Variants in C12orf42 observed in about 807,000 individuals in gnomAD.
The protein encoded by C12orf42 is chromosome 12 open reading frame 42.
In C12orf42, 25 loss-of-function variants were observed where a neutral mutation model predicts 21.6. The ratio of observed to expected loss-of-function variants is 1.16; its 90% CI spans 0.84 to 1.62. C12orf42 has a LOEUF of 1.62. C12orf42 is among the 40% of genes most tolerant of loss of function. The pLI is 0.00. For missense variants in C12orf42, 483 were observed against 459.3 expected (o/e 1.05, Z -0.47); for synonymous variants, 174 against 175.0 (o/e 0.99, Z 0.05).
chr12:103,204,109 G>C, the C12orf42 span, among the ~76,000 whole-genome samples: 1 of 152,052 alleles, frequency 6.6e-6, no homozygotes, highest in Non-Finnish European at 1.5e-5. Flanking sequence ...CTACATTCTT[G>C]GCCCTGGGAG....
chr12:103,136,173 T>C, the C12orf42 span, among the ~76,000 whole-genome samples: 1 of 152,132 alleles, frequency 6.6e-6, no homozygotes, highest in East Asian at 1.9e-4. Flanking sequence ...AAAAACCTCT[T>C]AGGTCTGATA....
chr12:103,247,798 T>C (rs1304534237), intron 10 of C12orf42, among the ~76,000 whole-genome samples: 1 of 151,980 alleles, frequency 6.6e-6, no homozygotes, highest in East Asian at 1.9e-4. Context: ...TTTTAAATGG[T>C]CAGGTAGCCA....
the C12orf42 span, among the ~76,000 whole-genome samples, chr12:103,169,943 G>A: frequency 6.6e-6 from 1 of 152,050 alleles, no homozygotes; most frequent in South Asian, 2.1e-4. Context: ...CTCCCATTGA[G>A]CTTTTTTCAA....
downstream of C12orf42, among the ~76,000 whole-genome samples, chr12:103,264,203 G>A (rs1268090500): frequency 6.6e-6 from 1 of 152,074 alleles, no homozygotes; most frequent in Non-Finnish European, 1.5e-5. Context: ...CACTTAGGAG[G>A]ATTCTAAGTG....
At chr12:103,543,450 AT>A in the C12orf42 span, among the ~76,000 whole-genome samples, 1 of 151,870 alleles carries the variant, frequency 6.6e-6, no homozygotes, top group Admixed American at 6.6e-5. Flanking sequence ...TCTCTACAAA[AT>A]TTTTTAATAA....
chr12:103,481,548 A>G (rs1954470856), intron 1 of C12orf42, among the ~76,000 whole-genome samples: 1 of 151,776 alleles, frequency 6.6e-6, no homozygotes, highest in Non-Finnish European at 1.5e-5. Flanking sequence ...GTGGGCTACA[A>G]TTTCCTGGGG....
intron 1 of C12orf42, among the ~76,000 whole-genome samples, chr12:103,494,642 T>G (rs966238962): frequency 6.6e-6 from 1 of 152,212 alleles, no homozygotes; most frequent in Non-Finnish European, 1.5e-5. Flanking sequence ...GGCAGTGTCT[T>G]CAGACTTTTT....
the C12orf42 span, among the ~76,000 whole-genome samples, chr12:103,070,857 G>T: frequency 5.3e-5 from 8 of 152,096 alleles, no homozygotes; most frequent in Non-Finnish European, 8.8e-5. Context: ...ACATGTGATT[G>T]TCACGACACT....
chr12:103,550,182 C>T, the C12orf42 span, among the ~76,000 whole-genome samples: 4,061 of 152,040 alleles, frequency 0.027, 184 homozygotes, highest in African/African-American at 0.092. Flanking sequence ...AATATTTTAA[C>T]GAATTTCCTT....
chr12:103,370,995 C>T (rs1384406392), intron 3 of C12orf42, among the ~76,000 whole-genome samples: 1 of 152,100 alleles, frequency 6.6e-6, no homozygotes, highest in East Asian at 1.9e-4. Context: ...TGATTAGATA[C>T]TATCAATTCA....
At chr12:103,536,626 G>T in the C12orf42 span, among the ~76,000 whole-genome samples, 2 of 152,030 alleles carry the variant, frequency 1.3e-5, no homozygotes, top group Non-Finnish European at 2.9e-5. Context: ...GAAAGAGAAG[G>T]GTGCCACAAG....
At chr12:103,087,557 A>C in the C12orf42 span, among the ~76,000 whole-genome samples, 1 of 152,388 alleles carries the variant, frequency 6.6e-6, no homozygotes, top group Non-Finnish European at 1.5e-5. Context: ...AAGTAAGGCC[A>C]GTTATCTGAG....
intron 10 of C12orf42, among the ~76,000 whole-genome samples, chr12:103,256,137 C>T (rs1215027402): frequency 1.9e-5 from 2 of 107,708 alleles, no homozygotes; most frequent in Admixed American, 1.0e-4. Flanking sequence ...CACACACACA[C>T]ACACACACGT....
the C12orf42 span, among the ~76,000 whole-genome samples, chr12:103,173,211 A>G: frequency 6.6e-6 from 1 of 152,184 alleles, no homozygotes. Flanking sequence ...TATATAAAAC[A>G]TGAAGTAAAA....
chr12:103,176,867 T>C, the C12orf42 span, among the ~76,000 whole-genome samples: 1 of 152,172 alleles, frequency 6.6e-6, no homozygotes, highest in Non-Finnish European at 1.5e-5. Flanking sequence ...TCCCCGTGAG[T>C]AGTTATTATT....
At chr12:103,505,532 A>C in the C12orf42 span, 1 of 387,238 alleles carries the variant, frequency 2.6e-6, no homozygotes. Context: ...AAGTAGTTTC[A>C]GCCACAGGAG....
chr12:103,355,050 C>A (rs2043407558), intron 4 of C12orf42, among the ~76,000 whole-genome samples: 1 of 152,112 alleles, frequency 6.6e-6, no homozygotes, highest in Admixed American at 6.6e-5. Context: ...GTACCCATTA[C>A]AAATAAAAAT....
At chr12:103,218,248 C>T in the C12orf42 span, among the ~76,000 whole-genome samples, 2 of 150,308 alleles carry the variant, frequency 1.3e-5, no homozygotes, top group South Asian at 4.2e-4. Flanking sequence ...CCAATGAACT[C>T]CAGCCTGGGC....
At chr12:103,116,812 A>T in the C12orf42 span, among the ~76,000 whole-genome samples, 9 of 152,242 alleles carry the variant, frequency 5.9e-5, no homozygotes, top group African/African-American at 2.2e-4. Context: ...GTTCAGAAAG[A>T]TAAAGTACCT....
Sources: allele counts gnomAD v4.1 joint callset (sites outside exome capture counted in the v4.1 genomes callset), GRCh38; gene constraint gnomAD v4.1.1; transcripts MANE v1.5; gene names NCBI Gene and HGNC (gene_info 2026-07-23, HGNC 2026-07-21).